ETS2: variants seen among roughly 807,000 people sequenced by gnomAD.
ETS2 encodes ETS proto-oncogene 2, transcription factor, also known as protein C-ets-2.
A neutral mutation model predicts 54.9 loss-of-function variants in ETS2; 19 were observed. The ratio of observed to expected loss-of-function variants is 0.35; its 90% CI spans 0.24 to 0.51. The LOEUF (loss-of-function observed/expected upper bound fraction) is 0.51, where lower values mean the gene tolerates loss of function less well. Among genes scored for constraint, ETS2 ranks in the 20% least tolerant of loss-of-function variants. The pLI, the probability that ETS2 is intolerant of heterozygous loss-of-function variation, is 0.97. For missense variants in ETS2, 417 were observed against 593.0 expected (o/e 0.70, Z 3.08); for synonymous variants, 219 against 229.3 (o/e 0.95, Z 0.41).
At chr21:38,812,732 G>C (rs2060918402) in intron 2 of ETS2, among the ~76,000 whole-genome samples, 1 of 151,916 alleles carries the variant, frequency 6.6e-6, no homozygotes, top group Non-Finnish European at 1.5e-5. Flanking sequence ...AGTGAGCCAA[G>C]ATTGCACCAC....
In ETS2 at chr21:38,823,108, A is replaced by C; in HGVS notation, c.*219A>C. The C allele has an allele frequency of 2.5e-6, 1 of 401,054 alleles. No homozygotes were observed. Among genetic ancestry groups the C allele is most frequent in the East Asian group, 3.7e-5 (1 of 26,670 alleles). The allele number at this position is 401,054 out of a possible 1,614,324, so 24.8% of individuals were successfully genotyped here. ...GCTAATTCTACTCACAGTGCTTTTAAGTGAAAATGGTCGAGAAAGAGGCAC... is the reference window on the plus strand; with the variant it reads ...GCTAATTCTACTCACAGTGCTTTTACGTGAAAATGGTCGAGAAAGAGGCAC... On this transcript the variant is annotated 3_prime_UTR_variant, in exon 10 of 10. Transcript: ENST00000360938.
rs745401875 is a variant in ETS2, at chr21:38,819,604, G to A, written c.913G>A (p.Val305Met). 29 of 1,614,110 alleles carry A rather than the reference G, an allele frequency of 1.8e-5. No homozygotes were observed. The highest frequency in any genetic ancestry group is 2.4e-5 in the Non-Finnish European group (28 of 1,180,036). The stretch of plus-strand genomic sequence containing the variant: ...GAACAGCCAGTCGTCCTTGCTGGAT[G>A]TGCAACGGGTTCCTTCCTTCGAGAG... ...SWNSQSSLLD[V>M]QRVPSFESFE... is the part of the protein sequence containing the mutation. The change falls in exon 8 of 10, where the codon GTG becomes ATG. Residue 305 changes from valine (V) to methionine (M), a missense_variant. By Grantham distance (21) the Val-to-Met change is conservative. Around this residue, in one of 3 missense-constraint regions of ETS2, gnomAD observed 326 missense variants for 426.1 expected, o/e 0.76. Coordinates refer to ENST00000360938, the MANE Select transcript of ETS2 (RefSeq NM_005239.6).
Position 38,814,986 on chromosome 21 carries a change from C to T in ETS2, c.505+5C>T. 6.2e-7 allele frequency: 1 copy of T among 1,613,570 alleles called. No individual in the cohort carries two copies. Among genetic ancestry groups the T allele is most frequent in the Non-Finnish European group, 8.5e-7 (1 of 1,179,528 alleles). On this transcript the variant is annotated splice_donor_5th_base_variant and intron_variant, in intron 5 of 9. Coordinates refer to ENST00000360938, the MANE Select transcript of ETS2 (RefSeq NM_005239.6). The surrounding 1 kb of genome is among the most constrained non-coding windows in gnomAD (Gnocchi z 4.2). ...ATCTGGAGCAAATGATCAAAGGTAC[C>T]AGCTGAACGTCTTACTTCTCCTTGT...
intron 9 of ETS2, among the ~76,000 whole-genome samples, chr21:38,822,389 C>T (rs2060961700): frequency 6.6e-6 from 1 of 152,164 alleles, no homozygotes; most frequent in Admixed American, 6.5e-5. Context: ...GTCTCAGGAC[C>T]CTCCTGGCTC....
At position 38,809,107 on chromosome 21, in the gene ETS2, C is replaced by T. The variant is rs549293815; in HGVS notation, c.1-928C>T. Among the ~76,000 whole-genome samples the T allele has an allele frequency of 5.6e-4, 85 of 152,260 alleles. 1 individual carries two copies. In the South Asian group the frequency reaches 0.016, roughly 28 times the overall value. ...ATAGCCATGTTAAAAACAATAAAGC[C>T]GGTGAAATTGATTTCAGTGTATTTC... On this transcript the variant is annotated intron_variant, in intron 1 of 9. Coordinates refer to ENST00000360938, the MANE Select transcript of ETS2 (RefSeq NM_005239.6).
chr21:38,815,032 G>A (rs927418058), intron 5 of ETS2, 51 bp downstream of exon 5: 2 of 1,577,116 alleles, frequency 1.3e-6, no homozygotes, highest in African/African-American at 2.7e-5. Flanking sequence ...CTGTGGCCGG[G>A]AAGACTGATT....
chr21:38,805,493 GA>G (rs1211783708), upstream of ETS2: 38 of 1,287,948 alleles, frequency 3.0e-5, no homozygotes, highest in Non-Finnish European at 3.6e-5. The surrounding 1 kb of genome is among the most constrained non-coding windows in gnomAD (Gnocchi z 5.2). Flanking sequence ...GCGCTCCACG[GA>G]AAGTCTCCGC....
chr21:38,814,190 A>G lies in ETS2; in HGVS notation c.185-83A>G. 7.0e-7 allele frequency: 1 copy of G among 1,435,060 alleles called. No individual in the cohort carries two copies. The highest frequency in any genetic ancestry group is 1.2e-5 in the South Asian group (1 of 81,230). The allele number at this position is 1,435,060 out of a possible 1,614,324, so 88.9% of individuals were successfully genotyped here. A position where few individuals can be genotyped will look rare whatever the true frequency, so the allele number is the denominator to read the frequency against. On this transcript the variant is annotated intron_variant, in intron 3 of 9. Transcript: ENST00000360938. The surrounding 1 kb of genome is among the most constrained non-coding windows in gnomAD (Gnocchi z 4.2). ...TTTGAGATCAAAATTGTTCTTTTCCAAAAACTAAGATGTCTCTCCTAAATC... is the reference window on the plus strand; with the variant it reads ...TTTGAGATCAAAATTGTTCTTTTCCGAAAACTAAGATGTCTCTCCTAAATC...
At chr21:38,809,024 G>C (rs549773881) in intron 1 of ETS2, among the ~76,000 whole-genome samples, 54 of 152,280 alleles carry the variant, frequency 3.5e-4, no homozygotes, top group Non-Finnish European at 3.7e-4. Context: ...TTACATTTTA[G>C]AGCTCCAAAT....
At chr21:38,813,515 G>C (rs1281233875) in intron 3 of ETS2, among the ~76,000 whole-genome samples, 4 of 152,204 alleles carry the variant, frequency 2.6e-5, no homozygotes, top group Non-Finnish European at 5.9e-5. Context: ...CCCCTGCCCT[G>C]AGTTTTGGGG....
chr21:38,812,654 G>A (rs568328792), intron 2 of ETS2, among the ~76,000 whole-genome samples: 83 of 152,258 alleles, frequency 5.5e-4, no homozygotes, highest in African/African-American at 1.5e-3. Flanking sequence ...GGTGGTGGGC[G>A]CCTGTAGTCC....
At chr21:38,811,598 C>T (rs190840182) in intron 2 of ETS2, among the ~76,000 whole-genome samples, 317 of 152,310 alleles carry the variant, frequency 2.1e-3, no homozygotes, top group Non-Finnish European at 3.9e-3. Context: ...TCTTTCTTCA[C>T]GTGTTCCTCA....
chr21:38,806,168 A>G lies in ETS2; in HGVS notation c.-1+48A>G, dbSNP rs978827039. The G allele has an allele frequency of 7.0e-6, 7 of 999,096 alleles. No individual in the cohort carries two copies. The South Asian group carries it at 1.3e-4, about 18-fold the overall frequency. 61.9% of individuals were successfully genotyped at this position (999,096 alleles called of 1,614,324 possible). A position where few individuals can be genotyped will look rare whatever the true frequency, so the allele number is the denominator to read the frequency against. ...GCGCCCGGCGCGCGGCTCCAGTCCC[A>G]TGGAGGGTCACCCGGGGCCTGGGCG... is the stretch of plus-strand genomic sequence containing the variant. On this transcript the variant is annotated intron_variant, in intron 1 of 9. Coordinates refer to ENST00000360938, the MANE Select transcript of ETS2 (RefSeq NM_005239.6). This position sits in a 1 kb window ranked among gnomAD's most constrained non-coding sequence, Gnocchi z 4.3.
intron 1 of ETS2, among the ~76,000 whole-genome samples, chr21:38,807,251 ATG>A (rs2060897146): frequency 6.6e-6 from 1 of 152,132 alleles, no homozygotes; most frequent in Non-Finnish European, 1.5e-5. Flanking sequence ...CTACCTTCAA[ATG>A]TGTGTTACAA....
upstream of ETS2, chr21:38,805,282 G>T (rs747166672): frequency 1.1e-5 from 13 of 1,167,196 alleles, no homozygotes; most frequent in Admixed American, 3.1e-5. The surrounding 1 kb of genome is among the most constrained non-coding windows in gnomAD (Gnocchi z 5.2). Flanking sequence ...TACAGGAAGC[G>T]CCTCATTTGG....
Position 38,821,900 on chromosome 21 carries a change from G to C in ETS2, c.1194+196G>C, listed in dbSNP as rs951931188. Among the ~76,000 whole-genome samples the C allele has an allele frequency of 1.3e-5, 2 of 152,196 alleles. No homozygotes were observed. The highest frequency in any genetic ancestry group is 4.8e-5 in the African/African-American group (2 of 41,448). ...GATAAACGTGTACAGTGTTTTCTGG[G>C]TATGCTTCATACAAGGGCGTTGCAC... On this transcript the variant is annotated intron_variant, in intron 9 of 9. Coordinates refer to ENST00000360938, the MANE Select transcript of ETS2 (RefSeq NM_005239.6). This position sits in a 1 kb window ranked among gnomAD's most constrained non-coding sequence, Gnocchi z 4.2.
Position 38,810,124 on chromosome 21 carries a change from A to T in ETS2, c.72+18A>T. The T allele has an allele frequency of 6.8e-7, 1 of 1,471,010 alleles. No homozygotes were observed. The highest frequency in any genetic ancestry group is 9.1e-7 in the Non-Finnish European group (1 of 1,102,598). 91.1% of individuals were successfully genotyped at this position (1,471,010 alleles called of 1,614,324 possible). On this transcript the variant is annotated intron_variant, in intron 2 of 9. Transcript: ENST00000360938. ...CACTCAAGGTGAGTGGGCAAGTCTT[A>T]ATTTTTTTTTTTAATTGGAAAACTC...
At chr21:38,809,285 C>A (rs1398165772) in intron 1 of ETS2, among the ~76,000 whole-genome samples, 1 of 152,126 alleles carries the variant, frequency 6.6e-6, no homozygotes, top group African/African-American at 2.4e-5. Flanking sequence ...CAAGTGGGTA[C>A]CATATTGCTT....
At position 38,818,538 on chromosome 21, in the gene ETS2, G is replaced by A. The variant is rs371568403; in HGVS notation, c.703G>A (p.Glu235Lys). The change falls in exon 7 of 10, where the codon GAG (glutamate) becomes AAG (lysine). Residue 235 changes from glutamate to lysine, a missense_variant. By Grantham distance (56) the Glu-to-Lys change is moderately conservative. Coordinates refer to ENST00000360938, the MANE Select transcript of ETS2 (RefSeq NM_005239.6). ...ACCCAGCGTACTCAGCTCTGAGCAG[G>A]AGTTTCAGATGTTCCCCAAGTCTCG... ...STPSVLSSEQ[E>K]FQMFPKSRLS... The A allele has an allele frequency of 1.2e-6, 2 of 1,614,040 alleles. No individual in the cohort carries two copies. The highest frequency in any genetic ancestry group is 1.7e-6 in the Non-Finnish European group (2 of 1,180,040).
Sources: gnomAD v4.1 joint callset for allele counts (sites outside exome capture counted in the v4.1 genomes callset) on GRCh38, gnomAD v4.1.1 for gene constraint, gnomAD v4.1.1 regional missense constraint, Gnocchi (gnomAD v3.1) non-coding constraint, MANE v1.5 for transcripts, NCBI Gene and HGNC (gene_info 2026-07-23, HGNC 2026-07-21) for gene names.